TAX1BP1: variants seen among roughly 807,000 people sequenced by gnomAD.
TAX1BP1 encodes the protein Tax1 binding protein 1, also known as tax1-binding protein 1.
TAX1BP1 carries 62 observed loss-of-function variants against 97.7 expected under a neutral mutation model. That is an observed-to-expected ratio of 0.63 (90% CI 0.52 to 0.78). TAX1BP1 has a LOEUF of 0.78. Ranked by LOEUF, TAX1BP1 falls within the 30% of genes least tolerant of loss-of-function variation. TAX1BP1 has a pLI of 0.00. For synonymous variants in TAX1BP1, 340 were observed against 304.2 expected (o/e 1.12, Z -1.23); for missense variants, 867 against 916.1 (o/e 0.95, Z 0.69).
chr7:27,752,184 GAAGT>G (rs61094705), intron 2 of TAX1BP1, among the ~76,000 whole-genome samples: 38,333 of 151,922 alleles, frequency 0.25, 5,242 homozygotes, highest in African/African-American at 0.34. Flanking sequence ...AGTGGAGAAG[GAAGT>G]AAGTTGTGTG....
At chr7:27,807,856 C>A (rs926103959) in intron 13 of TAX1BP1, among the ~76,000 whole-genome samples, 1 of 151,964 alleles carries the variant, frequency 6.6e-6, no homozygotes, top group African/African-American at 2.4e-5. Context: ...TGATATTTAT[C>A]ATTGTAGACT....
intron 1 of TAX1BP1, among the ~76,000 whole-genome samples, chr7:27,741,302 GGTCGATC>G (rs77208359): frequency 0.23 from 34,356 of 151,828 alleles, 4,909 homozygotes; most frequent in East Asian, 0.51. Flanking sequence ...ACTAAAAGTG[GGTCGATC>G]GTCCTCAAAG....
chr7:27,812,204 A>G (rs1790583940), intron 13 of TAX1BP1, among the ~76,000 whole-genome samples: 1 of 152,184 alleles, frequency 6.6e-6, no homozygotes, highest in South Asian at 2.1e-4. Flanking sequence ...TGGGTGTATT[A>G]GTGTTATCTC....
chr7:27,799,154 G>A (rs926635946), intron 12 of TAX1BP1, among the ~76,000 whole-genome samples: 1 of 152,112 alleles, frequency 6.6e-6, no homozygotes, highest in Admixed American at 6.5e-5. Context: ...ATTTAGGTCT[G>A]TGAATCATTT....
At chr7:27,798,392 A>G (rs1453135090) in intron 12 of TAX1BP1, among the ~76,000 whole-genome samples, 1 of 151,958 alleles carries the variant, frequency 6.6e-6, no homozygotes, top group Non-Finnish European at 1.5e-5. Flanking sequence ...TCCTGGGTGC[A>G]GTGGCTCATG....
At chr7:27,740,734 G>C (rs61089915) in intron 1 of TAX1BP1, among the ~76,000 whole-genome samples, 1,632 of 152,348 alleles carry the variant, frequency 0.011, 18 homozygotes, top group African/African-American at 0.033. Context: ...GAAGGACGCT[G>C]GGGTTTGCCT....
chr7:27,817,136 G>T (rs1018445339), intron 15 of TAX1BP1, 98 bp downstream of exon 15: 38 of 1,380,098 alleles, frequency 2.8e-5, no homozygotes, highest in Non-Finnish European at 3.7e-5. Flanking sequence ...CTTTGTGCGT[G>T]CATGCGTGTG....
intron 3 of TAX1BP1, among the ~76,000 whole-genome samples, chr7:27,761,685 T>C (rs145694891): frequency 6.6e-6 from 1 of 152,362 alleles, no homozygotes; most frequent in African/African-American, 2.4e-5. Flanking sequence ...TTATTACTGA[T>C]TAATATTCTA....
At chr7:27,740,929 T>G (rs1357541560) in intron 1 of TAX1BP1, among the ~76,000 whole-genome samples, 2 of 152,210 alleles carry the variant, frequency 1.3e-5, no homozygotes, top group Admixed American at 6.5e-5. Context: ...CCGACCGACT[T>G]GCACTCCTGG....
At chr7:27,782,510 A>G (rs995576960) in intron 5 of TAX1BP1, among the ~76,000 whole-genome samples, 1 of 152,128 alleles carries the variant, frequency 6.6e-6, no homozygotes. Flanking sequence ...TAGGCCCCCC[A>G]AAGTGCTGGG....
chr7:27,796,104 G>A lies in TAX1BP1; in HGVS notation c.1535-12G>A, dbSNP rs914984241. ...ATACTTTTTAACAGTCTTATATTCT[G>A]CCTTTCTACAGCAGAGGCAGATTTT... On this transcript the variant is annotated splice_polypyrimidine_tract_variant and intron_variant, in intron 11 of 16. Transcript: ENST00000396319. The A allele has an allele frequency of 1.3e-6, 2 of 1,599,916 alleles. No homozygotes were observed. Among genetic ancestry groups the A allele is most frequent in the Admixed American group, 1.7e-5 (1 of 57,516 alleles).
intron 8 of TAX1BP1, among the ~76,000 whole-genome samples, chr7:27,791,696 G>GA (rs774224703): frequency 7.2e-5 from 11 of 152,156 alleles, no homozygotes; most frequent in Non-Finnish European, 1.5e-4. Flanking sequence ...GATTCTGGGG[G>GA]ATGGGATCTT....
At chr7:27,742,375 C>G (rs992719131) in intron 1 of TAX1BP1, among the ~76,000 whole-genome samples, 1 of 152,182 alleles carries the variant, frequency 6.6e-6, no homozygotes, top group African/African-American at 2.4e-5. Flanking sequence ...GGTGATGACT[C>G]TTAAGGAGCA....
chr7:27,817,071 C>G (rs1562743288), intron 15 of TAX1BP1, 33 bp downstream of exon 15: 1 of 1,585,924 alleles, frequency 6.3e-7, no homozygotes, highest in East Asian at 2.2e-5. Context: ...GAGCCTGTCC[C>G]TTTTTTATTT....
intron 15 of TAX1BP1, among the ~76,000 whole-genome samples, chr7:27,827,348 C>T (rs1242977914): frequency 6.1e-5 from 9 of 148,088 alleles, no homozygotes; most frequent in African/African-American, 2.3e-4. Flanking sequence ...GTGATGACTC[C>T]ATCTCAAAAA....
intron 1 of TAX1BP1, among the ~76,000 whole-genome samples, chr7:27,742,266 A>C (rs998677020): frequency 1.3e-5 from 2 of 152,158 alleles, no homozygotes; most frequent in Non-Finnish European, 2.9e-5. Flanking sequence ...TCAGACTATC[A>C]CATGGGGAGA....
At chr7:27,813,811 A>G (rs1195418848) in intron 13 of TAX1BP1, among the ~76,000 whole-genome samples, 1 of 152,212 alleles carries the variant, frequency 6.6e-6, no homozygotes, top group Non-Finnish European at 1.5e-5. Flanking sequence ...ACAGTGGCCA[A>G]TAGTCACACA....
chr7:27,803,168 C>G (rs1358148441), intron 13 of TAX1BP1: 1 of 1,547,068 alleles, frequency 6.5e-7, no homozygotes, highest in Non-Finnish European at 8.7e-7. Flanking sequence ...TGGAAAACCT[C>G]TCCAGGGAGA....
intron 5 of TAX1BP1, among the ~76,000 whole-genome samples, chr7:27,774,154 A>G (rs1476133603): frequency 6.6e-6 from 1 of 152,100 alleles, no homozygotes; most frequent in Non-Finnish European, 1.5e-5. Context: ...TGGGAGTGAG[A>G]GAATGTGCAA....
Sources: gnomAD v4.1 joint callset for allele counts (sites outside exome capture counted in the v4.1 genomes callset) on GRCh38, gnomAD v4.1.1 for gene constraint, MANE v1.5 for transcripts, NCBI Gene and HGNC (gene_info 2026-07-23, HGNC 2026-07-21) for gene names.